Variants in RYR3 observed in about 807,000 individuals in gnomAD.
RYR3 encodes brain ryanodine receptor-calcium release channel.
A neutral mutation model predicts 584.3 loss-of-function variants in RYR3; 207 were observed. The ratio of observed to expected loss-of-function variants is 0.35; its 90% confidence interval spans 0.32 to 0.40. RYR3 has a LOEUF of 0.40. Among genes scored for constraint, RYR3 ranks in the 10% least tolerant of loss-of-function variants. The probability of loss-of-function intolerance (pLI) is 1.00; values close to 1 mark genes in which losing one functional copy is unlikely to be tolerated. For synonymous variants in RYR3, 2,416 were observed against 2,248.5 expected (o/e 1.07, Z -2.11); for missense variants, 5,616 against 6,089.2 (o/e 0.92, Z 2.59).
At chr15:33,448,525 A>G (rs1164429270) in intron 1 of RYR3, among the ~76,000 whole-genome samples, 1 of 152,248 alleles carries the variant, frequency 6.6e-6, no homozygotes, top group East Asian at 1.9e-4. Flanking sequence ...AAGCCTTGAG[A>G]GCGAGATTTG....
chr15:33,395,351 G>T (rs1008657731), intron 1 of RYR3, among the ~76,000 whole-genome samples: 4 of 152,204 alleles, frequency 2.6e-5, no homozygotes, highest in African/African-American at 9.7e-5. Context: ...CTAACCCACA[G>T]TCCCTGGAGC....
At chr15:33,707,535 C>G (rs566331549) in intron 43 of RYR3, among the ~76,000 whole-genome samples, 1 of 152,264 alleles carries the variant, frequency 6.6e-6, no homozygotes, top group Non-Finnish European at 1.5e-5. Flanking sequence ...TATTATTTGT[C>G]ATAATACAAT....
At chr15:33,700,550 A>G (rs1807883465) in intron 41 of RYR3, among the ~76,000 whole-genome samples, 1 of 152,200 alleles carries the variant, frequency 6.6e-6, no homozygotes, top group Non-Finnish European at 1.5e-5. Flanking sequence ...CAAACAAACA[A>G]GTCAAAAACA....
chr15:33,840,981 G>C (rs1451873235), intron 90 of RYR3, 98 bp downstream of exon 90: 2 of 1,088,866 alleles, frequency 1.8e-6, no homozygotes, highest in Non-Finnish European at 2.8e-6. Context: ...ACTTTGAGAG[G>C]CTGAGGCTGG....
At chr15:33,389,187 C>A in intron 1 of RYR3, among the ~76,000 whole-genome samples, 1 of 151,480 alleles carries the variant, frequency 6.6e-6, no homozygotes, top group East Asian at 2.0e-4. Context: ...TGTAACAAAC[C>A]TGCACGTTGT....
intron 3 of RYR3, among the ~76,000 whole-genome samples, chr15:33,515,940 C>T (rs2053480138): frequency 6.6e-6 from 1 of 152,202 alleles, no homozygotes; most frequent in Non-Finnish European, 1.5e-5. Flanking sequence ...CTCACATTTA[C>T]ACTTGTCTTT....
chr15:33,486,858 T>C (rs746660308), intron 2 of RYR3, among the ~76,000 whole-genome samples: 13 of 151,956 alleles, frequency 8.6e-5, no homozygotes, highest in Non-Finnish European at 1.6e-4. Flanking sequence ...GGACCTGAGT[T>C]TCATTTGTTC....
At chr15:33,727,165 C>T (rs1354374255) in intron 46 of RYR3, among the ~76,000 whole-genome samples, 3 of 152,226 alleles carry the variant, frequency 2.0e-5, no homozygotes, top group African/African-American at 7.2e-5. Flanking sequence ...CAGCCACAGT[C>T]GCATGCCTTA....
intron 10 of RYR3, among the ~76,000 whole-genome samples, chr15:33,560,836 A>C (rs1018631907): frequency 4.6e-5 from 7 of 152,160 alleles, no homozygotes; most frequent in Non-Finnish European, 1.0e-4. Context: ...AAAATCAGAA[A>C]TATGTTTTTC....
intron 10 of RYR3, among the ~76,000 whole-genome samples, chr15:33,554,255 A>G (rs1430126794): frequency 6.6e-6 from 1 of 151,390 alleles, no homozygotes; most frequent in East Asian, 1.9e-4. Flanking sequence ...ATACCTTGAA[A>G]TAGAGTGAAA....
At chr15:33,598,770 T>C (rs1487900729) in intron 16 of RYR3, among the ~76,000 whole-genome samples, 1 of 150,022 alleles carries the variant, frequency 6.7e-6, no homozygotes, top group Non-Finnish European at 1.5e-5. Flanking sequence ...AAAATAGGAG[T>C]TGGCTGGGTG....
At chr15:33,603,847 ACAC>A (rs1187902987) in intron 18 of RYR3, among the ~76,000 whole-genome samples, 3 of 152,254 alleles carry the variant, frequency 2.0e-5, no homozygotes, top group African/African-American at 7.2e-5. Context: ...AATCTTGTCA[ACAC>A]AGCCTGTTGC....
At chr15:33,805,738 A>G (rs998728899) in intron 69 of RYR3, among the ~76,000 whole-genome samples, 4 of 151,838 alleles carry the variant, frequency 2.6e-5, no homozygotes, top group Non-Finnish European at 5.9e-5. Context: ...CGGCCTCCCA[A>G]AGTGCTGGGA....
chr15:33,312,430 G>A lies in RYR3; in HGVS notation c.51+1334G>A, dbSNP rs185539432. On this transcript the variant is annotated intron_variant, in intron 1 of 103. Coordinates refer to ENST00000634891, the MANE Select transcript of RYR3 (RefSeq NM_001036.6). ...CTGCTGGTACTACTGAGAGGCTAGA[G>A]TATTCATCTCTTCATCCTTCGTCTG... Among the ~76,000 whole-genome samples the A allele has an allele frequency of 3.3e-5, 5 of 152,274 alleles. No individual in the cohort carries two copies. The East Asian group carries it at 9.7e-4, about 29-fold the overall frequency.
At chr15:33,538,015 A>C (rs1463350379) in intron 5 of RYR3, among the ~76,000 whole-genome samples, 1 of 151,274 alleles carries the variant, frequency 6.6e-6, no homozygotes, top group Non-Finnish European at 1.5e-5. Context: ...AGGATCAGTG[A>C]GTATTTTTCT....
At chr15:33,520,737 T>C (rs2053920116) in intron 3 of RYR3, among the ~76,000 whole-genome samples, 1 of 146,128 alleles carries the variant, frequency 6.8e-6, no homozygotes, top group East Asian at 1.9e-4. Flanking sequence ...AGGGTTGCCA[T>C]TTTGGCTCAC....
intron 1 of RYR3, among the ~76,000 whole-genome samples, chr15:33,457,737 C>G (rs2047675402): frequency 6.6e-6 from 1 of 152,128 alleles, no homozygotes; most frequent in Non-Finnish European, 1.5e-5. Flanking sequence ...GTTTTCATTG[C>G]CAAGAAGTGA....
intron 48 of RYR3, among the ~76,000 whole-genome samples, 173 bp from the exon 49 acceptor site, chr15:33,736,062 A>C (rs2069434733): frequency 6.6e-6 from 1 of 152,144 alleles, no homozygotes; most frequent in South Asian, 2.1e-4. Flanking sequence ...CTGAATTTTA[A>C]CTGTACTCTT....
Position 33,841,927 on chromosome 15 carries a change from AG to A in RYR3, c.13102del (p.Glu4368LysfsTer2). ...EEEQAEYLWTEVTKKKKRRCG... is the reference protein window; with the variant it reads ...EEEQAEYLWTXVTKKKKRRCG... ...AGGAGCAAGCTGAGTACCTGTGGACAGAAGTGACAAAAAAGAAGAAGCGGCG... is the reference window on the plus strand; with the variant it reads ...AGGAGCAAGCTGAGTACCTGTGGACAAAGTGACAAAAAAGAAGAAGCGGCG... On this transcript the variant is annotated frameshift_variant, in exon 91 of 104. Transcript: ENST00000634891. LOFTEE classifies it high-confidence loss of function. The A allele has an allele frequency of 6.3e-7, 1 of 1,599,106 alleles. No individual in the cohort carries two copies. Among genetic ancestry groups the A allele is most frequent in the African/African-American group, 1.3e-5 (1 of 74,796 alleles).
Sources: gnomAD v4.1 joint callset for allele counts (sites outside exome capture counted in the v4.1 genomes callset) on GRCh38, gnomAD v4.1.1 for gene constraint, MANE v1.5 for transcripts, NCBI Gene and HGNC (gene_info 2026-07-23, HGNC 2026-07-21) for gene names.